GRK4: variants seen among roughly 807,000 people sequenced by gnomAD.
The protein encoded by GRK4 is G protein-coupled receptor kinase 4, also known as G protein-coupled receptor kinase 2-like.
Under a neutral mutation model 77.9 loss-of-function variants are expected in GRK4, and 73 were observed. That is an observed-to-expected ratio of 0.94 (90% CI 0.78 to 1.14). The LOEUF is 1.14. Among genes scored for constraint, GRK4 ranks in the 50% most tolerant of loss-of-function variants. The pLI, the probability that GRK4 is intolerant of heterozygous loss-of-function variation, is 0.00. For missense variants in GRK4, 729 were observed against 700.2 expected, an observed-to-expected ratio of 1.04 and a Z score of -0.46; for synonymous variants, 257 against 254.4, an observed-to-expected ratio of 1.01 and a Z score of -0.10.
At chr4:2,976,934 C>T (rs749430859) in intron 1 of GRK4, among the ~76,000 whole-genome samples, 24 of 152,196 alleles carry the variant, frequency 1.6e-4, no homozygotes, top group Non-Finnish European at 2.5e-4. Context: ...CCACCGCACC[C>T]GGCCGAATTT....
intron 2 of GRK4, among the ~76,000 whole-genome samples, chr4:2,986,140 CCTTT>C (rs1206418438): frequency 1.3e-5 from 2 of 151,938 alleles, no homozygotes; most frequent in Non-Finnish European, 2.9e-5. Flanking sequence ...TATCAATTTA[CCTTT>C]CTGTCAACAG....
intron 9 of GRK4, among the ~76,000 whole-genome samples, chr4:3,021,314 A>G (rs948322399): frequency 2.0e-5 from 3 of 152,156 alleles, no homozygotes; most frequent in African/African-American, 7.2e-5. Context: ...TCATCCGCCC[A>G]GAGTTGGCCC....
At chr4:2,985,162 C>T (rs1181229754) in intron 2 of GRK4, among the ~76,000 whole-genome samples, 2 of 151,474 alleles carry the variant, frequency 1.3e-5, no homozygotes, top group Non-Finnish European at 2.9e-5. Flanking sequence ...CCTGTAATCC[C>T]GGCACTTTGG....
At chr4:2,974,193 T>C (rs1193269731) in intron 1 of GRK4, among the ~76,000 whole-genome samples, 2 of 152,210 alleles carry the variant, frequency 1.3e-5, no homozygotes, top group African/African-American at 4.8e-5. Flanking sequence ...CCATAGCACT[T>C]ATTATTATCT....
intron 2 of GRK4, among the ~76,000 whole-genome samples, chr4:2,985,269 C>T (rs1456439785): frequency 2.6e-5 from 4 of 151,744 alleles, no homozygotes; most frequent in Non-Finnish European, 4.4e-5. Flanking sequence ...GGTGCGGTGA[C>T]GGGTGTGTGT....
At chr4:2,992,177 C>G in intron 3 of GRK4, 38 bp from the exon 4 acceptor site, 1 of 1,474,746 alleles carries the variant, frequency 6.8e-7, no homozygotes. Flanking sequence ...CCACACCCAG[C>G]TTAACTGTTC....
chr4:3,001,073 C>CTATATATATA lies in GRK4; in HGVS notation c.340-3150_340-3141dup, dbSNP rs368506630. Among the ~76,000 whole-genome samples the CTATATATATA allele has an allele frequency of 1.7e-3, 127 of 76,130 alleles. 12 individuals are homozygous for CTATATATATA. The highest frequency in any genetic ancestry group is 0.015 in the Middle Eastern group (2 of 136). 49.9% of individuals were successfully genotyped at this position (76,130 alleles called of 152,430 possible). ...GTGGTGGTTGTAGGGCTAAATGAGA[C>CTATATATATA]TATATATATATATATATGTGTGTGT... On this transcript the variant is annotated intron_variant, in intron 4 of 15. Coordinates refer to ENST00000398052, the MANE Select transcript of GRK4 (RefSeq NM_182982.3).
intron 9 of GRK4, among the ~76,000 whole-genome samples, 166 bp from the exon 10 acceptor site, chr4:3,022,248 A>G (rs968241942): frequency 1.3e-5 from 2 of 152,198 alleles, no homozygotes; most frequent in East Asian, 1.9e-4. Context: ...GTTTGCTGAG[A>G]TGAATTTTGT....
chr4:3,039,285 T>A lies in GRK4; in HGVS notation c.1683+772T>A, dbSNP rs190760859. 4.2e-4 allele frequency among the ~76,000 whole-genome samples: 64 copies of A among 152,324 alleles called. 2 individuals are homozygous for A. The East Asian group carries it at 0.012, about 28-fold the overall frequency. ...TAATAGCATTAAATGTAGACAAGCC[T>A]TTTTTCCATGCAAAGTGTCTCTCCT... On this transcript the variant is annotated intron_variant, in intron 15 of 15. Coordinates refer to ENST00000398052, the MANE Select transcript of GRK4 (RefSeq NM_182982.3).
chr4:2,986,308 T>G (rs1239983047), intron 2 of GRK4, among the ~76,000 whole-genome samples: 3 of 151,394 alleles, frequency 2.0e-5, no homozygotes, highest in Non-Finnish European at 4.4e-5. Context: ...TTCCTTTTTC[T>G]TTTCTAATTC....
At chr4:3,013,580 G>A (rs1236195307) in intron 7 of GRK4, 108 bp from the exon 8 acceptor site, 3 of 1,345,946 alleles carry the variant, frequency 2.2e-6, no homozygotes, top group Non-Finnish European at 3.1e-6. Flanking sequence ...CTCATGCACT[G>A]CTGCTGGTCT....
intron 4 of GRK4, among the ~76,000 whole-genome samples, chr4:2,993,565 T>C (rs945946486): frequency 3.3e-5 from 5 of 152,008 alleles, no homozygotes; most frequent in Non-Finnish European, 7.4e-5. Flanking sequence ...TCCCAGCTAA[T>C]AGGGAGGCTG....
chr4:2,988,075 C>CAAAAAA lies in GRK4; in HGVS notation c.149-633_149-628dup, dbSNP rs67664476. Reference sequence around the variant, plus strand: ...TGGATGACAGAGTGAGGCTCTGTCTCAAAAAAAAAAAAAAAAAAAAAAAAG... The same window carrying CAAAAAA: ...TGGATGACAGAGTGAGGCTCTGTCTCAAAAAAAAAAAAAAAAAAAAAAAAAAAAAAG... On this transcript the variant is annotated intron_variant, in intron 2 of 15. Transcript: ENST00000398052. Among the ~76,000 whole-genome samples the CAAAAAA allele has an allele frequency of 2.6e-3, 87 of 33,680 alleles. 3 individuals are homozygous for CAAAAAA. The highest frequency in any genetic ancestry group is 5.3e-3 in the Admixed American group (16 of 3,034). The allele number at this position is 33,680 out of a possible 152,430, so 22.1% of individuals were successfully genotyped here.
chr4:2,988,644 G>C, intron 2 of GRK4, 83 bp from the exon 3 acceptor site: 1 of 744,814 alleles, frequency 1.3e-6, no homozygotes, highest in Non-Finnish European at 2.4e-6. Context: ...ACTGTATCGA[G>C]TGAGAACTGT....
intron 1 of GRK4, chr4:2,965,145 C>G (rs1367711619): frequency 3.2e-6 from 2 of 619,654 alleles, no homozygotes; most frequent in Non-Finnish European, 5.8e-6. Context: ...CCTGCTTAGT[C>G]TTTGTTCAAG....
At position 2,963,991 on chromosome 4, in the gene GRK4, G is replaced by C. The variant is rs780759212; in HGVS notation, c.-80G>C. The C allele has an allele frequency of 3.9e-6, 5 of 1,283,450 alleles. No individual in the cohort carries two copies. The highest frequency in any genetic ancestry group is 5.6e-6 in the Non-Finnish European group (5 of 897,906). 79.5% of individuals were successfully genotyped at this position (1,283,450 alleles called of 1,614,324 possible). On this transcript the variant is annotated 5_prime_UTR_variant, in exon 1 of 16. Coordinates refer to ENST00000398052, the MANE Select transcript of GRK4 (RefSeq NM_182982.3). ...GTGGTGCCCGGCGAGCTATGCACGG[G>C]GGCGGCGGCGTCTCCTCCTGTTCCG...
intron 1 of GRK4, among the ~76,000 whole-genome samples, chr4:2,972,371 C>T (rs756095825): frequency 2.6e-5 from 4 of 152,118 alleles, no homozygotes; most frequent in Non-Finnish European, 4.4e-5. Context: ...ACAGCATAGC[C>T]GGCCCACCTT....
At chr4:3,020,335 C>T (rs1395586191) in intron 9 of GRK4, among the ~76,000 whole-genome samples, 5 of 152,012 alleles carry the variant, frequency 3.3e-5, no homozygotes, top group African/African-American at 1.2e-4. Flanking sequence ...CTTTTTGAAG[C>T]AGAAGTTTGT....
intron 1 of GRK4, chr4:2,965,348 C>T (rs1306114757): frequency 7.1e-6 from 5 of 702,956 alleles, no homozygotes; most frequent in Middle Eastern, 2.3e-4. Flanking sequence ...TCTCCCTTGC[C>T]TGCGTCTCAA....
Sources: gnomAD v4.1 joint callset for allele counts (sites outside exome capture counted in the v4.1 genomes callset) on GRCh38, gnomAD v4.1.1 for gene constraint, MANE v1.5 for transcripts, NCBI Gene and HGNC (gene_info 2026-07-23, HGNC 2026-07-21) for gene names.